SORCS2: variants seen among roughly 807,000 people sequenced by gnomAD.
SORCS2 encodes the protein sortilin related VPS10 domain containing receptor 2, also known as VPS10 domain-containing receptor SorCS2.
A neutral mutation model predicts 141.6 loss-of-function variants in SORCS2; 100 were observed. The observed-to-expected ratio is 0.71, with a 90% CI of 0.60 to 0.83. The LOEUF (loss-of-function observed/expected upper bound fraction) is 0.83. SORCS2 is among the 40% of genes least tolerant of loss of function. The probability of loss-of-function intolerance (pLI) is 0.00; values close to 1 mark genes in which losing one functional copy is unlikely to be tolerated. For missense variants in SORCS2, 1,646 were observed against 1,560.2 expected, an observed-to-expected ratio of 1.05 and a Z score of -0.93; for synonymous variants, 789 against 676.9, an observed-to-expected ratio of 1.17 and a Z score of -2.57.
At chr4:7,322,720 A>G (rs1718975195) in intron 1 of SORCS2, among the ~76,000 whole-genome samples, 1 of 152,214 alleles carries the variant, frequency 6.6e-6, no homozygotes, top group East Asian at 1.9e-4. Flanking sequence ...CAAGCTTGGC[A>G]AAGAGATTTC....
chr4:7,295,530 G>A (rs1252566294), intron 1 of SORCS2, among the ~76,000 whole-genome samples: 5 of 152,158 alleles, frequency 3.3e-5, no homozygotes, highest in Non-Finnish European at 7.3e-5. Flanking sequence ...GGGAGCAGCC[G>A]AGAGGGGCCA....
intron 4 of SORCS2, among the ~76,000 whole-genome samples, chr4:7,639,528 TGG>T (rs71175419): frequency 7.3e-5 from 10 of 136,758 alleles, no homozygotes; most frequent in African/African-American, 2.7e-4. Context: ...TTGTGGGATG[TGG>T]GGGGGTGTTA....
At chr4:7,535,733 G>A (rs982170118) in intron 3 of SORCS2, among the ~76,000 whole-genome samples, 2 of 152,232 alleles carry the variant, frequency 1.3e-5, no homozygotes, top group East Asian at 1.9e-4. Flanking sequence ...AGCCTCACAC[G>A]TGTGGCCCCA....
At chr4:7,609,071 A>G (rs1361265114) in intron 3 of SORCS2, among the ~76,000 whole-genome samples, 2 of 151,578 alleles carry the variant, frequency 1.3e-5, no homozygotes, top group Non-Finnish European at 2.9e-5. Context: ...AAGCACTAAC[A>G]CTCAGGCTGC....
At chr4:7,556,235 T>C (rs1417552947) in intron 3 of SORCS2, among the ~76,000 whole-genome samples, 1 of 152,134 alleles carries the variant, frequency 6.6e-6, no homozygotes, top group African/African-American at 2.4e-5. Context: ...CCGTCCTCCT[T>C]CCTGAAGCCT....
chr4:7,360,282 A>G (rs1721502564), intron 1 of SORCS2, among the ~76,000 whole-genome samples: 1 of 152,226 alleles, frequency 6.6e-6, no homozygotes, highest in Non-Finnish European at 1.5e-5. Context: ...AAAGAAACTG[A>G]GACTCAGAGA....
intron 2 of SORCS2, among the ~76,000 whole-genome samples, chr4:7,479,877 T>C (rs1287570128): frequency 6.6e-6 from 1 of 152,262 alleles, no homozygotes; most frequent in Non-Finnish European, 1.5e-5. Context: ...ACGTGTGCTC[T>C]GTTAGGACTG....
intron 18 of SORCS2, among the ~76,000 whole-genome samples, chr4:7,722,901 A>G (rs1010878349): frequency 1.3e-5 from 2 of 152,156 alleles, no homozygotes; most frequent in African/African-American, 4.8e-5. Context: ...CTCCATCATC[A>G]CTAGGAAACG....
intron 1 of SORCS2, among the ~76,000 whole-genome samples, chr4:7,375,068 T>C (rs1439493952): frequency 6.6e-6 from 1 of 152,054 alleles, no homozygotes; most frequent in African/African-American, 2.4e-5. Flanking sequence ...ATGTGCAGGG[T>C]AAGTCATGGT....
At chr4:7,337,577 G>A (rs2108980951) in intron 1 of SORCS2, among the ~76,000 whole-genome samples, 1 of 152,308 alleles carries the variant, frequency 6.6e-6, no homozygotes. Context: ...GACAAGACAA[G>A]GCTGGTGGTA....
intron 4 of SORCS2, among the ~76,000 whole-genome samples, chr4:7,644,240 A>G (rs1457341470): frequency 1.3e-5 from 2 of 152,176 alleles, no homozygotes; most frequent in African/African-American, 2.4e-5. Context: ...TATCAAGCTC[A>G]AAAACATGTG....
At position 7,740,124 on chromosome 4, in the gene SORCS2, A is replaced by C. The variant is rs12501485; in HGVS notation, c.3416-76A>C. The C allele has an allele frequency of 2.2e-5, 30 of 1,340,718 alleles. 1 individual carries two copies. The East Asian group carries it at 7.5e-4, about 33-fold the overall frequency. 83.1% of individuals were successfully genotyped at this position (1,340,718 alleles called of 1,614,324 possible). A position where few individuals can be genotyped will look rare whatever the true frequency, so the allele number is the denominator to read the frequency against. On this transcript the variant is annotated intron_variant, in intron 26 of 26. Coordinates refer to ENST00000507866, the MANE Select transcript of SORCS2 (RefSeq NM_020777.3). ...TTGGCTCGAGGCACTGCCTGAGGCC[A>C]CGACCGTGTCCCCTGTGGCCCTGTC...
At chr4:7,206,335 C>T (rs1024024104) in intron 1 of SORCS2, among the ~76,000 whole-genome samples, 3 of 152,162 alleles carry the variant, frequency 2.0e-5, no homozygotes, top group Admixed American at 6.5e-5. Context: ...AGTAAACATC[C>T]GAGGACTTCT....
Position 7,445,507 on chromosome 4 carries a change from C to T in SORCS2, c.548+49152C>T, listed in dbSNP as rs189535255. On this transcript the variant is annotated intron_variant, in intron 2 of 26. Transcript: ENST00000507866. Reference sequence around the variant, plus strand: ...TCCATGAGTGGAAGAAGGCCTGGGGCGCGGCAGCAGGTCCTGTGGATGGAG... The same window carrying T: ...TCCATGAGTGGAAGAAGGCCTGGGGTGCGGCAGCAGGTCCTGTGGATGGAG... Among the ~76,000 whole-genome samples, 105 of 152,160 alleles carry T rather than the reference C, an allele frequency of 6.9e-4. 1 individual carries two copies. The highest frequency in any genetic ancestry group is 2.3e-3 in the African/African-American group (94 of 41,526).
At chr4:7,367,606 G>A (rs770466383) in intron 1 of SORCS2, among the ~76,000 whole-genome samples, 10 of 152,220 alleles carry the variant, frequency 6.6e-5, no homozygotes, top group Non-Finnish European at 1.5e-4. Flanking sequence ...GGCTGTTCAG[G>A]CTGAGCTCTG....
At chr4:7,434,608 A>G in intron 2 of SORCS2, 2 of 1,613,370 alleles carry the variant, frequency 1.2e-6, no homozygotes, top group East Asian at 4.5e-5. Context: ...GGTCTTCATC[A>G]CCAAAGCCAG....
At chr4:7,594,568 G>T (rs1717135766) in intron 3 of SORCS2, among the ~76,000 whole-genome samples, 1 of 152,158 alleles carries the variant, frequency 6.6e-6, no homozygotes, top group African/African-American at 2.4e-5. Context: ...CCTGCCCAGG[G>T]CGCATCCTGG....
intron 1 of SORCS2, among the ~76,000 whole-genome samples, chr4:7,287,604 A>G (rs1242831384): frequency 1.3e-5 from 2 of 152,232 alleles, no homozygotes; most frequent in Non-Finnish European, 2.9e-5. Flanking sequence ...TCGGGAGAGA[A>G]AGTCTAATTT....
chr4:7,275,250 T>C (rs558554758), intron 1 of SORCS2, among the ~76,000 whole-genome samples: 15 of 152,326 alleles, frequency 9.8e-5, no homozygotes, highest in African/African-American at 3.6e-4. Context: ...AGAATTGTTA[T>C]GTTTCTCCAT....
Sources: gnomAD v4.1 joint callset for allele counts (sites outside exome capture counted in the v4.1 genomes callset) on GRCh38, gnomAD v4.1.1 for gene constraint, MANE v1.5 for transcripts, NCBI Gene and HGNC (gene_info 2026-07-23, HGNC 2026-07-21) for gene names.